The following LMO7 variants were observed in gnomAD, a reference collection of about 807,000 sequenced individuals.
The protein encoded by LMO7 is LIM domain 7.
A neutral mutation model predicts 206.5 loss-of-function variants in LMO7; 120 were observed. The observed-to-expected ratio is 0.58, with a 90% CI of 0.50 to 0.68. LMO7 has a LOEUF of 0.68. Ranked by LOEUF, LMO7 falls within the 30% of genes least tolerant of loss-of-function variation. The pLI is 0.00. For synonymous variants in LMO7, 706 were observed against 681.5 expected (o/e 1.04, Z -0.56); for missense variants, 1,959 against 1,957.9 (o/e 1.00, Z -0.01).
Position 75,749,838 on chromosome 13 carries a change from T to G in LMO7, c.211-11094T>G, listed in dbSNP as rs1376451021. On this transcript the variant is annotated intron_variant, in intron 3 of 30. Transcript: ENST00000377534. ...GCTGAGCCCTCACCCCCACCTTTTT[T>G]TTTTTGGAGAGAAATTGGTTCCCCA... 2.0e-5 allele frequency among the ~76,000 whole-genome samples: 3 copies of G among 152,088 alleles called. No individual in the cohort carries two copies. The East Asian group carries it at 5.8e-4, about 29-fold the overall frequency.
At position 75,842,838 on chromosome 13, in the gene LMO7, T is replaced by C. The variant is rs762241070; in HGVS notation, c.4032-13T>C. 1 of 1,564,118 alleles carries C rather than the reference T, an allele frequency of 6.4e-7. No homozygotes were observed. The highest frequency in any genetic ancestry group is 1.7e-5 in the Admixed American group (1 of 59,116). ...CTAATATTTTGACAACAAAATCTTT[T>C]TCTATCTTTTAGGCCTGTTGATTCC... On this transcript the variant is annotated splice_polypyrimidine_tract_variant and intron_variant, in intron 24 of 30. Transcript: ENST00000377534.
intron 3 of LMO7, among the ~76,000 whole-genome samples, chr13:75,737,510 C>T (rs1305935163): frequency 3.2e-4 from 47 of 148,474 alleles, no homozygotes; most frequent in Admixed American, 2.9e-3. Flanking sequence ...TCCCAGCACT[C>T]TGGGAGGCCG....
At chr13:75,750,780 C>G (rs1173313768) in intron 3 of LMO7, among the ~76,000 whole-genome samples, 1 of 152,074 alleles carries the variant, frequency 6.6e-6, no homozygotes, top group Non-Finnish European at 1.5e-5. Flanking sequence ...CCCAGGTGAC[C>G]CTGATGCTGA....
intron 1 of LMO7, among the ~76,000 whole-genome samples, chr13:75,677,073 C>A (rs533381610): frequency 2.0e-5 from 3 of 152,000 alleles, no homozygotes; most frequent in Admixed American, 1.3e-4. Flanking sequence ...TATTTTTTCC[C>A]CTAGGATTTA....
intron 1 of LMO7, among the ~76,000 whole-genome samples, chr13:75,655,554 T>C (rs1214766229): frequency 6.6e-6 from 1 of 151,544 alleles, no homozygotes; most frequent in East Asian, 1.9e-4. Flanking sequence ...AGTATTGCTC[T>C]GTAGTTGATA....
chr13:75,841,864 A>G lies in LMO7; in HGVS notation c.3912A>G (p.Glu1304=). Residue 1304 remains glutamate, a synonymous_variant, in exon 24 of 31, where the codon GAA becomes GAG. Transcript: ENST00000377534. ...RERKWEQQLQ[E]EQEQKRLQAE... ...GGAAATGGGAGCAACAGCTTCAGGA[A>G]GAGCAAGAGCAAAAGCGGCTTCAGG... 6.2e-7 allele frequency: 1 copy of G among 1,614,128 alleles called. No homozygotes were observed. The highest frequency in any genetic ancestry group is 8.5e-7 in the Non-Finnish European group (1 of 1,179,988).
chr13:75,630,065 TAC>T (rs1382719049), intron 2 of LMO7, among the ~76,000 whole-genome samples: 1 of 152,240 alleles, frequency 6.6e-6, no homozygotes, highest in Non-Finnish European at 1.5e-5. Context: ...GCATAAAACC[TAC>T]ACAGTCTTCC....
At chr13:75,741,690 G>A (rs1174325356) in intron 3 of LMO7, among the ~76,000 whole-genome samples, 3 of 152,158 alleles carry the variant, frequency 2.0e-5, no homozygotes, top group African/African-American at 7.2e-5. Flanking sequence ...ACTGCTTCAT[G>A]TTAAAACTCT....
rs2059912569 is a variant in LMO7, at chr13:75,845,439, T to C, written c.4150+60T>C. On this transcript the variant is annotated intron_variant, in intron 26 of 30. Transcript: ENST00000377534. ...GTTGCTTATTTGTGGTATCATGTTA[T>C]GAGAAGTATTTTTAAGGTCAAGATA... The C allele has an allele frequency of 3.0e-6, 3 of 990,736 alleles. 1 individual carries two copies. The highest frequency in any genetic ancestry group is 4.8e-6 in the Non-Finnish European group (3 of 628,118). The allele number at this position is 990,736 out of a possible 1,614,324, so 61.4% of individuals were successfully genotyped here.
chr13:75,671,083 A>G (rs887882471), intron 1 of LMO7, among the ~76,000 whole-genome samples: 99 of 150,458 alleles, frequency 6.6e-4, no homozygotes, highest in African/African-American at 2.2e-3. Context: ...TTCTACCTCC[A>G]CGTCTTGTCC....
intron 28 of LMO7, among the ~76,000 whole-genome samples, chr13:75,854,699 C>G (rs1214720953): frequency 1.3e-5 from 2 of 152,176 alleles, no homozygotes; most frequent in African/African-American, 4.8e-5. Context: ...ATTTCCTTCC[C>G]TGCAGAGACA....
chr13:75,704,604 G>T (rs1188490116), intron 1 of LMO7, among the ~76,000 whole-genome samples: 1 of 152,302 alleles, frequency 6.6e-6, no homozygotes, highest in Non-Finnish European at 1.5e-5. Context: ...CTTTTAAATG[G>T]CTGCTTAAAA....
intron 1 of LMO7, among the ~76,000 whole-genome samples, chr13:75,707,046 C>T (rs1344982331): frequency 1.3e-5 from 2 of 151,760 alleles, no homozygotes; most frequent in African/African-American, 4.8e-5. Context: ...GTGTCAGCCT[C>T]TTCTATTCTT....
chr13:75,781,087 T>A (rs4885348), intron 4 of LMO7, among the ~76,000 whole-genome samples: 1 of 122,576 alleles, frequency 8.2e-6, no homozygotes, highest in African/African-American at 3.1e-5. Flanking sequence ...TTAACCTTAC[T>A]CTATTTTCCT....
intron 15 of LMO7, among the ~76,000 whole-genome samples, chr13:75,825,733 G>A (rs2058058787): frequency 1.3e-5 from 2 of 152,150 alleles, no homozygotes; most frequent in Admixed American, 1.3e-4. Context: ...TGTCTCAGAA[G>A]GAGCTTACTG....
intron 3 of LMO7, among the ~76,000 whole-genome samples, chr13:75,737,787 A>AT (rs1566372273): frequency 9.0e-6 from 1 of 110,806 alleles, no homozygotes; most frequent in African/African-American, 3.5e-5. Flanking sequence ...TAAAATAAAA[A>AT]AAAAAAAAAA....
intron 2 of LMO7, among the ~76,000 whole-genome samples, chr13:75,719,523 C>G (rs1404984473): frequency 6.6e-6 from 1 of 152,052 alleles, no homozygotes; most frequent in Non-Finnish European, 1.5e-5. Context: ...GGGTGGATTT[C>G]CCCCATGCTG....
chr13:75,791,402 C>G (rs1389467317), intron 4 of LMO7, among the ~76,000 whole-genome samples: 1 of 152,136 alleles, frequency 6.6e-6, no homozygotes, highest in Admixed American at 6.5e-5. Context: ...TGTTCTCTGA[C>G]ATTGTATGAG....
At chr13:75,743,595 A>T (rs1444483710) in intron 3 of LMO7, among the ~76,000 whole-genome samples, 1 of 152,224 alleles carries the variant, frequency 6.6e-6, no homozygotes, top group Admixed American at 6.5e-5. Flanking sequence ...AAACTAATGC[A>T]AGAAAAGAAA....
Sources: gnomAD v4.1 joint callset for allele counts (sites outside exome capture counted in the v4.1 genomes callset) on GRCh38, gnomAD v4.1.1 for gene constraint, MANE v1.5 for transcripts, NCBI Gene and HGNC (gene_info 2026-07-23, HGNC 2026-07-21) for gene names.